DACT2: variants seen among roughly 807,000 people sequenced by gnomAD.
The protein encoded by DACT2 is dapper homolog 2.
DACT2 carries 20 observed loss-of-function variants against 22.2 expected under a neutral mutation model. That is an observed-to-expected ratio of 0.90 (90% CI 0.63 to 1.31). DACT2 has a LOEUF of 1.31. Among genes scored for constraint, DACT2 ranks in the 50% most tolerant of loss-of-function variants. The pLI, the probability that DACT2 is intolerant of heterozygous loss-of-function variation, is 0.00. For synonymous variants in DACT2, 463 were observed against 479.8 expected (o/e 0.96, Z 0.46); for missense variants, 1,048 against 1,061.4 (o/e 0.99, Z 0.18).
At chr6:168,305,636 GCT>G (rs1583293824), downstream of DACT2, among the ~76,000 whole-genome samples, 1 of 152,210 alleles carries the variant, frequency 6.6e-6, no homozygotes, top group Non-Finnish European at 1.5e-5. Flanking sequence ...GTGGACTGAG[GCT>G]GCGCCCACAG....
Position 168,308,075 on chromosome 6 carries a change from C to G in DACT2, c.1682G>C (p.Cys561Ser), listed in dbSNP as rs540676423. The G allele has an allele frequency of 6.5e-7, 1 of 1,544,932 alleles. No individual in the cohort carries two copies. Among genetic ancestry groups the G allele is most frequent in the African/African-American group, 1.4e-5 (1 of 72,916 alleles). The change falls in exon 4 of 4, where the codon TGT becomes TCT. Residue 561 changes from cysteine (C) to serine (S), a missense_variant. Transcript: ENST00000366795. ...CATGGGGTAGAGGGTGGACTCAGAA[C>G]AGGAGCGCCCGGGTGCCTCCCAGGC... ...ALAWEAPGRS[C>S]SESTLYPMPV...
chr6:168,310,148 C>G lies in DACT2; in HGVS notation c.658+20G>C, dbSNP rs1779356834. 1 of 1,546,742 alleles carries G rather than the reference C, an allele frequency of 6.5e-7. No homozygotes were observed. Among genetic ancestry groups the G allele is most frequent in the Non-Finnish European group, 8.7e-7 (1 of 1,146,196 alleles). On this transcript the variant is annotated intron_variant, in intron 3 of 3. Transcript: ENST00000366795. ...CCTGTGCCTGAGATGAGACCCCCACCTTCCCTGGCAGTTTCTTACCTGTAG... is the reference window on the plus strand; with the variant it reads ...CCTGTGCCTGAGATGAGACCCCCACGTTCCCTGGCAGTTTCTTACCTGTAG...
In DACT2 at chr6:168,307,132, A is replaced by G. The variant is rs1238304509; in HGVS notation, c.*300T>C. ...GGGGAAGCCATGGGAGGATGACAAC[A>G]TGGAAACAAGGTGCATGCCGGGAAG... On this transcript the variant is annotated 3_prime_UTR_variant, in exon 4 of 4. Transcript: ENST00000366795. The surrounding 1 kb of genome is among the most constrained non-coding windows in gnomAD (Gnocchi z 5.3). 2.5e-6 allele frequency: 3 copies of G among 1,188,500 alleles called. No individual in the cohort carries two copies. The highest frequency in any genetic ancestry group is 4.7e-5 in the East Asian group (1 of 21,224). 73.6% of individuals were successfully genotyped at this position (1,188,500 alleles called of 1,614,324 possible). A position where few individuals can be genotyped will look rare whatever the true frequency, so the allele number is the denominator to read the frequency against.
In DACT2 at chr6:168,308,752, G is replaced by A; in HGVS notation, c.1005C>T (p.Asp335=). The change falls in exon 4 of 4, where the codon GAC becomes GAT. Residue 335 remains aspartate (D), a synonymous_variant. Coordinates refer to ENST00000366795, the MANE Select transcript of DACT2 (RefSeq NM_214462.5). ...AGPARARAYI[D]RLLHLWGRET... is the part of the protein sequence containing the mutation. ...CCCGGCCCCACAGATGCAGCAACCTGTCGATATAAGCTCTGGCCCTGGCCG... is the reference window on the plus strand; with the variant it reads ...CCCGGCCCCACAGATGCAGCAACCTATCGATATAAGCTCTGGCCCTGGCCG... 6.4e-7 allele frequency: 1 copy of A among 1,551,400 alleles called. No homozygotes were observed. Among genetic ancestry groups the A allele is most frequent in the Non-Finnish European group, 8.7e-7 (1 of 1,147,024 alleles).
At chr6:168,311,521 A>AAC (rs750627035) in intron 1 of DACT2, among the ~76,000 whole-genome samples, 52 of 56,082 alleles carry the variant, frequency 9.3e-4, no homozygotes, top group East Asian at 7.0e-3. Flanking sequence ...CACACACACA[A>AAC]ACACACACAC....
At chr6:168,294,126 C>T in intron 5 of DACT2, 1 of 703,010 alleles carries the variant, frequency 1.4e-6, no homozygotes, top group Non-Finnish European at 2.6e-6. Context: ...GAGCATGGAG[C>T]ACTTACCACT....
chr6:168,303,890 A>C (rs1474799165), downstream of DACT2, among the ~76,000 whole-genome samples: 1 of 152,200 alleles, frequency 6.6e-6, no homozygotes, highest in Non-Finnish European at 1.5e-5. Flanking sequence ...AGAATTCCTG[A>C]CATATTTTTT....
chr6:168,319,342 T>C, intron 1 of DACT2, 46 bp downstream of exon 1: 1 of 1,187,282 alleles, frequency 8.4e-7, no homozygotes, highest in Non-Finnish European at 1.0e-6. Context: ...GCAGCGCCTG[T>C]GGCCCGCACA....
rs1282799580 is a variant in DACT2, at chr6:168,311,151, C to T, written c.379+1G>A. ...TCCGGGAGGTCAGGGCGCCCTGGTA[C>T]CTGAGCTGGGCCTGCTGTCGCTGTC... On this transcript the variant is annotated splice_donor_variant, in intron 2 of 3. Transcript: ENST00000366795. LOFTEE classifies it high-confidence loss of function. 1.3e-6 allele frequency: 2 copies of T among 1,523,076 alleles called. No homozygotes were observed. The highest frequency in any genetic ancestry group is 1.8e-6 in the Non-Finnish European group (2 of 1,129,400). 94.3% of individuals were successfully genotyped at this position (1,523,076 alleles called of 1,614,324 possible).
At chr6:168,311,599 C>CTCACACCCAT (rs1779416610) in intron 1 of DACT2, among the ~76,000 whole-genome samples, 1 of 149,746 alleles carries the variant, frequency 6.7e-6, no homozygotes, top group East Asian at 2.0e-4. Flanking sequence ...CACACACATA[C>CTCACACCCAT]ACACACACTC....
intron 3 of DACT2, among the ~76,000 whole-genome samples, chr6:168,300,804 G>T (rs1339424911): frequency 6.6e-6 from 1 of 151,990 alleles, no homozygotes; most frequent in Admixed American, 6.6e-5. Flanking sequence ...GGCCAACATG[G>T]TGAAACCCCG....
chr6:168,293,817 T>C lies in DACT2; in HGVS notation c.*77A>G, dbSNP rs72574789. 2.7e-3 allele frequency: 1,910 copies of C among 701,346 alleles called. 32 individuals carry two copies. In the East Asian group the frequency reaches 0.032, roughly 12 times the overall value. 43.4% of individuals were successfully genotyped at this position (701,346 alleles called of 1,614,324 possible). On this transcript the variant is annotated 3_prime_UTR_variant, in exon 6 of 6. Transcript: ENST00000366796. ...GGCCGATGATATCGGGAGAAGAAGC[T>C]GGGCCTGTGGCCAGGACCCGACTTC...
chr6:168,319,511 C>T lies in DACT2; in HGVS notation c.123G>A (p.Glu41=), dbSNP rs1182386939. 1.5e-6 allele frequency: 2 copies of T among 1,345,350 alleles called. No individual in the cohort carries two copies. The highest frequency in any genetic ancestry group is 1.9e-6 in the Non-Finnish European group (2 of 1,040,750). The allele number at this position is 1,345,350 out of a possible 1,614,324, so 83.3% of individuals were successfully genotyped here. The change falls in exon 1 of 4, where the codon GAG becomes GAA. Residue 41 remains glutamate, a synonymous_variant. Coordinates refer to ENST00000366795, the MANE Select transcript of DACT2 (RefSeq NM_214462.5). ...ELQGLRATQQ[E]RVRGALALQP... ...GCAGGGCCAGGGCGCCCCGTACCCG[C>T]TCCTGCTGCGTGGCTCGCAGCCCCT...
Position 168,308,388 on chromosome 6 carries a change from G to A in DACT2, c.1369C>T (p.Arg457Ter), listed in dbSNP as rs548494411. The part of the protein sequence containing the change: ...QQTPSAQDYG[R>*]GNIISPSRML... ...CTGGATGGGGATATGATGTTGCCTC[G>A]TCCATAGTCCTGAGCTGAGGGTGTC... Residue 457 changes from arginine to a stop codon, truncating the protein, a stop_gained, in exon 4 of 4, where the codon CGA (arginine) becomes TGA (stop). Coordinates refer to ENST00000366795, the MANE Select transcript of DACT2 (RefSeq NM_214462.5). LOFTEE classifies it low-confidence loss of function (END_TRUNC). The A allele has an allele frequency of 4.2e-5, 65 of 1,551,834 alleles. No homozygotes were observed. Among genetic ancestry groups the A allele is most frequent in the East Asian group, 9.8e-5 (4 of 40,914 alleles).
chr6:168,319,662 C>G lies in DACT2; in HGVS notation c.-29G>C. 4 of 1,214,316 alleles carry G rather than the reference C, an allele frequency of 3.3e-6. No homozygotes were observed. The highest frequency in any genetic ancestry group is 4.1e-6 in the Non-Finnish European group (4 of 974,772). The allele number at this position is 1,214,316 out of a possible 1,614,324, so 75.2% of individuals were successfully genotyped here. ...CCGGGCAGGGTCCCGGCCTCCCGAA[C>G]CCCACGAGCGGCGCCGGAGGCCCAG... On this transcript the variant is annotated 5_prime_UTR_variant, in exon 1 of 4. Coordinates refer to ENST00000366795, the MANE Select transcript of DACT2 (RefSeq NM_214462.5).
intron 1 of DACT2, among the ~76,000 whole-genome samples, chr6:168,318,573 AGTTT>A (rs1381749666): frequency 1.3e-5 from 2 of 152,216 alleles, no homozygotes; most frequent in African/African-American, 4.8e-5. Context: ...CAGCCTTTTT[AGTTT>A]GTCTTTAAGA....
In DACT2 at chr6:168,319,700, C is replaced by G. The variant is rs955189858; in HGVS notation, c.-67G>C. On this transcript the variant is annotated 5_prime_UTR_variant, in exon 1 of 4. Transcript: ENST00000366795. The stretch of plus-strand genomic sequence containing the variant: ...GCCGGAGGCCCAGCGCGCGCGGATC[C>G]CGAGCTGTGTCGCGGGTCCTCCTGC... 18 of 1,190,234 alleles carry G rather than the reference C, an allele frequency of 1.5e-5. No homozygotes were observed. The highest frequency in any genetic ancestry group is 1.7e-5 in the Non-Finnish European group (16 of 960,708). The allele number at this position is 1,190,234 out of a possible 1,614,324, so 73.7% of individuals were successfully genotyped here. A position where few individuals can be genotyped will look rare whatever the true frequency, so the allele number is the denominator to read the frequency against.
At chr6:168,312,590 A>ATG (rs371814115) in intron 1 of DACT2, among the ~76,000 whole-genome samples, 3 of 152,068 alleles carry the variant, frequency 2.0e-5, no homozygotes, top group Non-Finnish European at 4.4e-5. Flanking sequence ...TATAATGAGC[A>ATG]TGTGTGTGTG....
rs1169283155 is a variant in DACT2, at chr6:168,307,844, C to G, written c.1913G>C (p.Arg638Thr). The change falls in exon 4 of 4, where the codon AGA becomes ACA. Residue 638 changes from arginine to threonine, a missense_variant. By Grantham distance (71) the Arg-to-Thr change is moderately conservative. Coordinates refer to ENST00000366795, the MANE Select transcript of DACT2 (RefSeq NM_214462.5). The surrounding 1 kb of genome is among the most constrained non-coding windows in gnomAD (Gnocchi z 5.3). ...GCCCCGGGCCAGTGGGCCACCTGCT[C>G]TCCTGGCCACGGGCCTGGGGGGCCC... ...NLGPPRPVAR[R>T]AGGPLARGRP... The G allele has an allele frequency of 2.0e-6, 3 of 1,538,070 alleles. No homozygotes were observed. The highest frequency in any genetic ancestry group is 1.7e-6 in the Non-Finnish European group (2 of 1,145,226).
Sources: gnomAD v4.1 joint callset for allele counts (sites outside exome capture counted in the v4.1 genomes callset) on GRCh38, gnomAD v4.1.1 for gene constraint, Gnocchi (gnomAD v3.1) non-coding constraint, MANE v1.5 for transcripts, NCBI Gene and HGNC (gene_info 2026-07-23, HGNC 2026-07-21) for gene names.